The following UGT2A2 variants were observed in gnomAD, a reference collection of about 807,000 sequenced individuals.
UGT2A2 encodes the protein UDP-glucuronosyltransferase 2A2.
In UGT2A2, 60 loss-of-function variants were observed where a neutral mutation model predicts 50.7. That is an observed-to-expected ratio of 1.18 (90% CI 0.96 to 1.47). UGT2A2 has a LOEUF of 1.47. Among genes scored for constraint, UGT2A2 ranks in the 40% most tolerant of loss-of-function variants. The probability of loss-of-function intolerance (pLI) is 0.00; values close to 1 mark genes in which losing one functional copy is unlikely to be tolerated. For missense variants in UGT2A2, 762 were observed against 634.0 expected, an observed-to-expected ratio of 1.20 and a Z score of -2.17; for synonymous variants, 242 against 214.6, an observed-to-expected ratio of 1.13 and a Z score of -1.11.
At chr4:69,623,701 A>G (rs11942157) in intron 1 of UGT2A2, among the ~76,000 whole-genome samples, 41,326 of 151,244 alleles carry the variant, frequency 0.27, 5,911 homozygotes, top group South Asian at 0.32. Flanking sequence ...GATGGCTATC[A>G]AATATATTAG....
At chr4:69,600,895 C>T (rs1719247187) in intron 1 of UGT2A2, among the ~76,000 whole-genome samples, 1 of 152,044 alleles carries the variant, frequency 6.6e-6, no homozygotes, top group Non-Finnish European at 1.5e-5. Flanking sequence ...TTCATGAATA[C>T]TCTACCCCCA....
At chr4:69,607,101 G>A (rs1290056788) in intron 1 of UGT2A2, among the ~76,000 whole-genome samples, 9 of 137,012 alleles carry the variant, frequency 6.6e-5, no homozygotes, top group African/African-American at 1.5e-4. Flanking sequence ...AAAAGAGCCC[G>A]CATTGCCAAG....
At chr4:69,591,709 T>C (rs556310531) in intron 5 of UGT2A2, among the ~76,000 whole-genome samples, 5 of 152,258 alleles carry the variant, frequency 3.3e-5, no homozygotes, top group African/African-American at 7.2e-5. Context: ...AGCTTAGAAT[T>C]TTTATTTTTG....
chr4:69,629,705 C>A (rs886819948), intron 1 of UGT2A2, among the ~76,000 whole-genome samples: 1 of 151,944 alleles, frequency 6.6e-6, no homozygotes, highest in Non-Finnish European at 1.5e-5. Context: ...GGAAGAGGAC[C>A]CCTGCAAGCT....
At chr4:69,599,527 GT>G in intron 1 of UGT2A2, 133 bp from the exon 2 acceptor site, 1 of 1,240,376 alleles carries the variant, frequency 8.1e-7, no homozygotes, top group Non-Finnish European at 1.1e-6. Flanking sequence ...TACTTATCAT[GT>G]TTATATATTA....
At chr4:69,635,951 G>A (rs1721680073) in intron 1 of UGT2A2, 1 of 151,546 alleles carries the variant, frequency 6.6e-6, no homozygotes, top group Admixed American at 6.6e-5. Context: ...CTGGATATGA[G>A]TAGCAGTGAT....
At chr4:69,636,588 C>A (rs1205755444) in intron 1 of UGT2A2, among the ~76,000 whole-genome samples, 1 of 152,054 alleles carries the variant, frequency 6.6e-6, no homozygotes, top group Non-Finnish European at 1.5e-5. Flanking sequence ...CTTTTTCACA[C>A]TTATCTAATT....
At position 69,594,703 on chromosome 4, in the gene UGT2A2, TGAGGATG is replaced by T. The variant is rs752482620; in HGVS notation, c.1112-14_1112-8del. ...GCTTTGGTTTTGGGATGTCCTAATT[TGAGGATG>T]GAGTGAGAAGTGGGTGTGTAATAAT... On this transcript the variant is annotated splice_region_variant and splice_polypyrimidine_tract_variant and intron_variant, in intron 4 of 5. Transcript: ENST00000604629. The T allele has an allele frequency of 6.8e-6, 11 of 1,611,306 alleles. No individual in the cohort carries two copies. The East Asian group carries it at 2.2e-4, about 33-fold the overall frequency.
At chr4:69,599,112 A>G in intron 2 of UGT2A2, 134 bp downstream of exon 2, 2 of 1,335,156 alleles carry the variant, frequency 1.5e-6, no homozygotes, top group East Asian at 2.6e-5. Context: ...GACCTCTATC[A>G]CAAGGAAAAT....
chr4:69,634,070 C>T (rs1721535494), intron 1 of UGT2A2, among the ~76,000 whole-genome samples: 1 of 151,940 alleles, frequency 6.6e-6, no homozygotes, highest in Non-Finnish European at 1.5e-5. Context: ...ATGGTGAAAC[C>T]CCGTCTCTAC....
At chr4:69,625,896 T>C (rs10013528) in intron 1 of UGT2A2, among the ~76,000 whole-genome samples, 53,122 of 151,212 alleles carry the variant, frequency 0.35, 9,691 homozygotes, top group African/African-American at 0.43. Flanking sequence ...GATACAAGTA[T>C]AAAATGTAAC....
At position 69,599,393 on chromosome 4, in the gene UGT2A2, TC is replaced by T. The variant is rs771102654; in HGVS notation, c.743del (p.Gly248GlufsTer17). The T allele has an allele frequency of 1.9e-6, 3 of 1,612,358 alleles. No individual in the cohort carries two copies. The highest frequency in any genetic ancestry group is 2.5e-6 in the Non-Finnish European group (3 of 1,179,590). ...EWNSYYSKILGRPTTLCETMG... is the reference protein window; with the variant it reads ...EWNSYYSKILXRPTTLCETMG... ...TAGTCTCACATAACGTAGTGGGTCT[TC>T]CTGGAGAAAATGTAACAAGTTGGAT... is the stretch of plus-strand genomic sequence containing the variant. On this transcript the variant is annotated frameshift_variant and splice_region_variant, in exon 2 of 6. Coordinates refer to ENST00000604629, the MANE Select transcript of UGT2A2 (RefSeq NM_001105677.2). LOFTEE classifies it high-confidence loss of function.
intron 1 of UGT2A2, among the ~76,000 whole-genome samples, chr4:69,635,078 C>G (rs930872075): frequency 9.3e-5 from 14 of 150,916 alleles, no homozygotes; most frequent in Admixed American, 7.3e-4. Context: ...CTATCTACCC[C>G]CTAAATATAT....
rs757489284 is a variant in UGT2A2, at chr4:69,589,549, T to C, written c.1434A>G (p.Lys478=). ...CTGCAACCCGAAGGTGCTTGGCTCC[T>C]TTGTGGCGCATGACAAACTCGATCC... ...VFWIEFVMRH[K]GAKHLRVAAH... Residue 478 remains lysine (K), a synonymous_variant, in exon 6 of 6, where the codon AAA becomes AAG. Transcript: ENST00000604629. 6.2e-7 allele frequency: 1 copy of C among 1,614,104 alleles called. No homozygotes were observed. Among genetic ancestry groups the C allele is most frequent in the Admixed American group, 1.7e-5 (1 of 60,020 alleles).
At chr4:69,597,410 C>T (rs1229998158) in intron 2 of UGT2A2, among the ~76,000 whole-genome samples, 2 of 152,018 alleles carry the variant, frequency 1.3e-5, no homozygotes, top group African/African-American at 4.8e-5. Context: ...TAGGTAATTA[C>T]TTATAGTTTT....
In UGT2A2 at chr4:69,638,937, T is replaced by C. The variant is rs1438871375; in HGVS notation, c.704A>G (p.Tyr235Cys). ...YSLQDYIFQSYWGEWNSYYSK... is the reference protein window; with the variant it reads ...YSLQDYIFQSCWGEWNSYYSK... ...ATAGTATGAATTCCATTCTCCCCAGTAGGACTGAAATATATAGTCTTGCAG... is the reference window on the plus strand; with the variant it reads ...ATAGTATGAATTCCATTCTCCCCAGCAGGACTGAAATATATAGTCTTGCAG... Residue 235 changes from tyrosine to cysteine, a missense_variant, in exon 1 of 6, where the codon TAC becomes TGC. By Grantham distance (194) the Tyr-to-Cys change is radical. Coordinates refer to ENST00000604629, the MANE Select transcript of UGT2A2 (RefSeq NM_001105677.2). The C allele has an allele frequency of 6.2e-7, 1 of 1,611,214 alleles. No individual in the cohort carries two copies. Among genetic ancestry groups the C allele is most frequent in the East Asian group, 2.2e-5 (1 of 44,846 alleles).
chr4:69,613,988 G>T (rs913253215), intron 1 of UGT2A2, among the ~76,000 whole-genome samples: 1 of 151,996 alleles, frequency 6.6e-6, no homozygotes, highest in East Asian at 1.9e-4. Context: ...GCAATTAGAC[G>T]AGTGAAAGAA....
chr4:69,600,547 G>A (rs978461913), intron 1 of UGT2A2, among the ~76,000 whole-genome samples: 3 of 152,136 alleles, frequency 2.0e-5, no homozygotes, highest in African/African-American at 4.8e-5. Context: ...TGGCCTGAAA[G>A]CCACAGTTTC....
At chr4:69,592,138 G>A (rs1410215927) in intron 5 of UGT2A2, among the ~76,000 whole-genome samples, 1 of 152,134 alleles carries the variant, frequency 6.6e-6, no homozygotes, top group Non-Finnish European at 1.5e-5. Flanking sequence ...CTGAATAGAT[G>A]TTTTTAAGCA....
Sources: gnomAD v4.1 joint callset for allele counts (sites outside exome capture counted in the v4.1 genomes callset) on GRCh38, gnomAD v4.1.1 for gene constraint, MANE v1.5 for transcripts, NCBI Gene and HGNC (gene_info 2026-07-23, HGNC 2026-07-21) for gene names.